Variants in PAX7 observed in about 807,000 individuals in gnomAD.
PAX7 encodes paired box 7, also known as paired box protein Pax-7.
PAX7 carries 18 observed loss-of-function variants against 50.7 expected under a neutral mutation model. The ratio of observed to expected loss-of-function variants is 0.36; its 90% confidence interval spans 0.25 to 0.53. The LOEUF is 0.53. PAX7 is among the 20% of genes least tolerant of loss of function. PAX7 has a pLI of 0.93. For missense variants in PAX7, 644 were observed against 702.9 expected, an observed-to-expected ratio of 0.92 and a Z score of 0.95; for synonymous variants, 310 against 290.4, an observed-to-expected ratio of 1.07 and a Z score of -0.69.
intron 7 of PAX7, among the ~76,000 whole-genome samples, chr1:18,705,854 A>G (rs2089276842): frequency 6.6e-6 from 1 of 152,112 alleles, no homozygotes; most frequent in Non-Finnish European, 1.5e-5. Flanking sequence ...CAGGGCTGGG[A>G]GGCTGACATG....
rs376031037 is a variant in PAX7, at chr1:18,735,615, T to C, written c.1156-17T>C. The C allele has an allele frequency of 1.4e-5, 23 of 1,603,268 alleles. No individual in the cohort carries two copies. In the African/African-American group the frequency reaches 3.1e-4, roughly 21 times the overall value. On this transcript the variant is annotated splice_polypyrimidine_tract_variant and intron_variant, in intron 7 of 8. Coordinates refer to ENST00000420770, the MANE Select transcript of PAX7 (RefSeq NM_001135254.2). The surrounding 1 kb of genome is among the most constrained non-coding windows in gnomAD (Gnocchi z 4.0). Reference sequence around the variant, plus strand: ...GTCTGTCCGGTGAGCCTGGCACTAATGGCCTTTTCCCCACAGGTGATGAGC... The same window carrying C: ...GTCTGTCCGGTGAGCCTGGCACTAACGGCCTTTTCCCCACAGGTGATGAGC...
chr1:18,672,937 G>T (rs2088773835), intron 4 of PAX7, among the ~76,000 whole-genome samples: 1 of 152,108 alleles, frequency 6.6e-6, no homozygotes, highest in South Asian at 2.1e-4. Flanking sequence ...CTCTATCGGG[G>T]CTATTTAGAG....
chr1:18,631,773 T>C, intron 1 of PAX7, 85 bp downstream of exon 1: 1 of 1,134,922 alleles, frequency 8.8e-7, no homozygotes, highest in South Asian at 1.3e-5. Flanking sequence ...CAGGGGACGG[T>C]GGCGGCGCCG....
intron 6 of PAX7, 138 bp from the exon 7 acceptor site, chr1:18,702,956 G>C (rs1489138855): frequency 2.6e-6 from 2 of 762,972 alleles, no homozygotes; most frequent in Non-Finnish European, 4.3e-6. Flanking sequence ...CTCATCCCAG[G>C]TAGCATGAGA....
At chr1:18,736,388 C>G (rs572004752) in intron 8 of PAX7, among the ~76,000 whole-genome samples, 23 of 151,300 alleles carry the variant, frequency 1.5e-4, no homozygotes, top group African/African-American at 4.9e-4. Context: ...TCACTTGAAC[C>G]CGGGAAGCGG....
In PAX7 at chr1:18,691,624, A is replaced by AG. The variant is rs2089071195; in HGVS notation, c.587-128dup. The AG allele has an allele frequency of 7.0e-6, 5 of 712,340 alleles. No individual in the cohort carries two copies. The South Asian group carries it at 9.3e-5, about 13-fold the overall frequency. The allele number at this position is 712,340 out of a possible 1,614,324, so 44.1% of individuals were successfully genotyped here. A position where few individuals can be genotyped will look rare whatever the true frequency, so the allele number is the denominator to read the frequency against. On this transcript the variant is annotated intron_variant, in intron 4 of 8. Coordinates refer to ENST00000420770, the MANE Select transcript of PAX7 (RefSeq NM_001135254.2). ...AGCATCCTTCTATCTTGTGCTTGGG[A>AG]GGAGTCTGATCGAAGTGCAGTCATG...
intron 4 of PAX7, among the ~76,000 whole-genome samples, chr1:18,687,490 T>C (rs2088994293): frequency 6.6e-6 from 1 of 152,212 alleles, no homozygotes; most frequent in African/African-American, 2.4e-5. Context: ...TCCAAGTGAC[T>C]GAACCTCTCT....
At chr1:18,655,770 G>GGTGTGTGT (rs549280757) in intron 4 of PAX7, among the ~76,000 whole-genome samples, 3,995 of 143,624 alleles carry the variant, frequency 0.028, 83 homozygotes, top group East Asian at 0.034. Flanking sequence ...ACTTGGAGAG[G>GGTGTGTGT]GTGTGTGTGT....
Position 18,679,347 on chromosome 1 carries a change from C to T in PAX7, c.587-12407C>T, listed in dbSNP as rs1442912769. On this transcript the variant is annotated intron_variant, in intron 4 of 8. Transcript: ENST00000420770. ...CTCCAGCACTGAGGAGGGGTGAGGGCGTGGGGAGGGGGAGAAGGAGGGTCC... is the reference window on the plus strand; with the variant it reads ...CTCCAGCACTGAGGAGGGGTGAGGGTGTGGGGAGGGGGAGAAGGAGGGTCC... 2.0e-5 allele frequency among the ~76,000 whole-genome samples: 3 copies of T among 152,202 alleles called. No homozygotes were observed. In the South Asian group the frequency reaches 6.2e-4, roughly 31 times the overall value.
chr1:18,740,508 G>A (rs573015128), intron 8 of PAX7, among the ~76,000 whole-genome samples: 5 of 152,356 alleles, frequency 3.3e-5, no homozygotes, highest in South Asian at 4.1e-4. Flanking sequence ...GAAGGAGAAC[G>A]CTGATACCTA....
At chr1:18,734,285 G>GC (rs893075756) in intron 7 of PAX7, among the ~76,000 whole-genome samples, 19 of 152,274 alleles carry the variant, frequency 1.2e-4, no homozygotes, top group African/African-American at 3.6e-4. Context: ...TATCAGCAAA[G>GC]CCGTCCCCAC....
At position 18,691,746 on chromosome 1, in the gene PAX7, G is replaced by A. The variant is rs751430756; in HGVS notation, c.587-8G>A. On this transcript the variant is annotated splice_region_variant and splice_polypyrimidine_tract_variant and intron_variant, in intron 4 of 8. Coordinates refer to ENST00000420770, the MANE Select transcript of PAX7 (RefSeq NM_001135254.2). ...CCTGCCTTCTCCCTCCCTCTCCTCC[G>A]GCTGTAGGGAACCGGCTGGACGAGG... 264 of 1,563,094 alleles carry A rather than the reference G, an allele frequency of 1.7e-4. No individual in the cohort carries two copies. The highest frequency in any genetic ancestry group is 2.1e-4 in the Admixed American group (11 of 52,060).
intron 7 of PAX7, among the ~76,000 whole-genome samples, chr1:18,704,039 A>G (rs1051946854): frequency 3.9e-5 from 6 of 152,228 alleles, no homozygotes; most frequent in Admixed American, 6.5e-5. Context: ...GCCACATTCA[A>G]TATGCTAACA....
chr1:18,712,123 G>A (rs932322413), intron 7 of PAX7, among the ~76,000 whole-genome samples: 5 of 152,276 alleles, frequency 3.3e-5, no homozygotes, highest in African/African-American at 7.2e-5. Context: ...CAGCCAAGGC[G>A]TAGGTGTGAA....
Position 18,663,894 on chromosome 1 carries a change from C to T in PAX7, c.586+27523C>T, listed in dbSNP as rs554742278. Among the ~76,000 whole-genome samples, 5 of 152,344 alleles carry T rather than the reference C, an allele frequency of 3.3e-5. No homozygotes were observed. The South Asian group carries it at 1.0e-3, about 32-fold the overall frequency. On this transcript the variant is annotated intron_variant, in intron 4 of 8. Coordinates refer to ENST00000420770, the MANE Select transcript of PAX7 (RefSeq NM_001135254.2). Reference sequence around the variant, plus strand: ...GCCTTGAAGTTCAGGCCAGCTGCTACCAGCCCATGCCAGATGGCTTCTTAG... The same window carrying T: ...GCCTTGAAGTTCAGGCCAGCTGCTATCAGCCCATGCCAGATGGCTTCTTAG...
At chr1:18,650,781 T>A (rs1363544522) in intron 4 of PAX7, among the ~76,000 whole-genome samples, 2 of 152,150 alleles carry the variant, frequency 1.3e-5, no homozygotes, top group Admixed American at 1.3e-4. Flanking sequence ...CCCCAAAGTA[T>A]TATGCCAGGC....
intron 4 of PAX7, among the ~76,000 whole-genome samples, chr1:18,668,877 G>A (rs1254857279): frequency 1.3e-5 from 2 of 152,244 alleles, no homozygotes; most frequent in Admixed American, 6.5e-5. Flanking sequence ...GTTTGAGGCA[G>A]GCGGGTGTGT....
At chr1:18,656,186 T>C (rs1042829402) in intron 4 of PAX7, among the ~76,000 whole-genome samples, 2 of 152,168 alleles carry the variant, frequency 1.3e-5, no homozygotes, top group Non-Finnish European at 2.9e-5. Flanking sequence ...GTTGCTGTGA[T>C]TGATGATCTA....
In PAX7 at chr1:18,692,435, G is replaced by A. The variant is rs531078251; in HGVS notation, c.786+482G>A. 7.2e-5 allele frequency among the ~76,000 whole-genome samples: 11 copies of A among 152,248 alleles called. No individual in the cohort carries two copies. The East Asian group carries it at 1.2e-3, about 16-fold the overall frequency. ...CGGGCACCCGTAATCCCAGCTACTC[G>A]GGAGGCTGAGGCAGGAGAGTCACTT... On this transcript the variant is annotated intron_variant, in intron 5 of 8. Coordinates refer to ENST00000420770, the MANE Select transcript of PAX7 (RefSeq NM_001135254.2).
Sources: allele counts gnomAD v4.1 joint callset (sites outside exome capture counted in the v4.1 genomes callset), GRCh38; gene constraint gnomAD v4.1.1; non-coding constraint Gnocchi (gnomAD v3.1); transcripts MANE v1.5; gene names NCBI Gene and HGNC (gene_info 2026-07-23, HGNC 2026-07-21).